The following DLG5 variants were observed in gnomAD, a reference collection of about 807,000 sequenced individuals.
DLG5 encodes the protein discs large MAGUK scaffold protein 5, also known as disks large homolog 5.
A neutral mutation model predicts 189.8 loss-of-function variants in DLG5; 48 were observed. The observed-to-expected ratio is 0.25, with a 90% CI of 0.20 to 0.32. DLG5 has a LOEUF of 0.32. DLG5 is among the 10% of genes least tolerant of loss of function. DLG5 has a pLI of 1.00. For synonymous variants in DLG5, 1,016 were observed against 1,054.1 expected, an observed-to-expected ratio of 0.96 and a Z score of 0.70; for missense variants, 2,160 against 2,544.7, an observed-to-expected ratio of 0.85 and a Z score of 3.25.
At chr10:77,889,561 C>T (rs759285113) in intron 1 of DLG5, 24 of 152,364 alleles carry the variant, frequency 1.6e-4, no homozygotes, top group African/African-American at 4.8e-4. Context: ...GTGACAAGAG[C>T]TCACTGTGAC....
Position 77,841,968 on chromosome 10 carries a change from C to G in DLG5, c.1350G>C (p.Gln450His). 1 of 1,614,216 alleles carries G rather than the reference C, an allele frequency of 6.2e-7. No homozygotes were observed. Among genetic ancestry groups the G allele is most frequent in the Non-Finnish European group, 8.5e-7 (1 of 1,180,048 alleles). Residue 450 changes from glutamine (Q) to histidine (H), a missense_variant, in exon 7 of 32, where the codon CAG (glutamine) becomes CAC (histidine). Gln to His is a conservative substitution (Grantham distance 24, BLOSUM62 0). Around this residue, in one of 5 missense-constraint regions of DLG5, gnomAD observed 664 missense variants for 838.5 expected, o/e 0.79. Coordinates refer to ENST00000372391, the MANE Select transcript of DLG5 (RefSeq NM_004747.4). Reference protein sequence around the residue: ...DQVISELDKLQTEVELAESKL... With the variant: ...DQVISELDKLHTEVELAESKL... ...TGGACTCGGCCAGCTCCACTTCGGT[C>G]TGCAGCTTGTCCAGCTCAGAGATGA...
chr10:77,910,167 T>C (rs1376304317), intron 1 of DLG5, among the ~76,000 whole-genome samples: 1 of 152,084 alleles, frequency 6.6e-6, no homozygotes, highest in Non-Finnish European at 1.5e-5. Context: ...ACGAATGCTG[T>C]GACGAAGAGA....
At chr10:77,828,800 G>C in intron 13 of DLG5, 82 bp downstream of exon 13, 1 of 1,344,744 alleles carries the variant, frequency 7.4e-7, no homozygotes, top group Non-Finnish European at 1.1e-6. Context: ...TAAAAACTTT[G>C]CTCATTACTT....
Position 77,926,558 on chromosome 10 carries a change from C to A in DLG5, c.-38G>T. 1.6e-6 allele frequency: 2 copies of A among 1,220,130 alleles called. No individual in the cohort carries two copies. Among genetic ancestry groups the A allele is most frequent in the Non-Finnish European group, 2.0e-6 (2 of 981,768 alleles). The allele number at this position is 1,220,130 out of a possible 1,614,324, so 75.6% of individuals were successfully genotyped here. ...CGCCGCCCCGCCCCGCCGGACGCCTCCCGGGCCCCCCGAGGCCGGCGGGCG... is the reference window on the plus strand; with the variant it reads ...CGCCGCCCCGCCCCGCCGGACGCCTACCGGGCCCCCCGAGGCCGGCGGGCG... On this transcript the variant is annotated 5_prime_UTR_variant, in exon 1 of 32. Transcript: ENST00000372391. The surrounding 1 kb of genome is among the most constrained non-coding windows in gnomAD (Gnocchi z 5.2).
Position 77,805,779 on chromosome 10 carries a change from C to T in DLG5, c.5050G>A (p.Ala1684Thr). The change falls in exon 27 of 32, where the codon GCA (alanine) becomes ACA (threonine). Residue 1684 changes from alanine to threonine, a missense_variant. Coordinates refer to ENST00000372391, the MANE Select transcript of DLG5 (RefSeq NM_004747.4). ...TTCCTCCGAAAAAAGGACCGGCGTG[C>T]AGCCGCTGACAGCGTCTTTGTGGCG... is the stretch of plus-strand genomic sequence containing the variant. ...NSATKTLSAA[A>T]RRSFFRRKHK... 6.2e-7 allele frequency: 1 copy of T among 1,614,216 alleles called. No individual in the cohort carries two copies. Among genetic ancestry groups the T allele is most frequent in the South Asian group, 1.1e-5 (1 of 91,086 alleles).
At chr10:77,891,059 C>T (rs888793769) in intron 1 of DLG5, among the ~76,000 whole-genome samples, 2 of 152,288 alleles carry the variant, frequency 1.3e-5, no homozygotes, top group South Asian at 2.1e-4. Flanking sequence ...ACATCCCAAC[C>T]GACCCTTCAG....
intron 4 of DLG5, 40 bp from the exon 5 acceptor site, chr10:77,853,577 C>T: frequency 6.7e-7 from 1 of 1,485,866 alleles, no homozygotes; most frequent in Non-Finnish European, 9.0e-7. Flanking sequence ...CCCAGCCAGC[C>T]CCTCACACCC....
At chr10:77,822,717 G>T (rs1842432821) in intron 14 of DLG5, among the ~76,000 whole-genome samples, 2 of 152,150 alleles carry the variant, frequency 1.3e-5, no homozygotes, top group Admixed American at 1.3e-4. Context: ...AAAATTCATT[G>T]TTAAAAATAT....
At chr10:77,908,595 C>T (rs1846132402) in intron 1 of DLG5, among the ~76,000 whole-genome samples, 1 of 152,192 alleles carries the variant, frequency 6.6e-6, no homozygotes, top group South Asian at 2.1e-4. Context: ...AGAATGGATT[C>T]TCTCCCAAGT....
intron 2 of DLG5, among the ~76,000 whole-genome samples, chr10:77,861,645 C>T (rs1335808650): frequency 6.6e-6 from 1 of 152,194 alleles, no homozygotes; most frequent in East Asian, 1.9e-4. Flanking sequence ...AGACACTCTA[C>T]CTTCAACTCA....
chr10:77,901,734 C>T (rs1307114121), intron 1 of DLG5, among the ~76,000 whole-genome samples: 11 of 152,164 alleles, frequency 7.2e-5, no homozygotes, highest in Non-Finnish European at 1.3e-4. Flanking sequence ...GACATAAGGA[C>T]GCCAGGACCC....
rs562021937 is a variant in DLG5, at chr10:77,846,839, G to A, written c.865-3133C>T. ...GAGTTCCCCACAAGGTGGCAGCCGC[G>A]GGGAGACGAGCCAACGCTCTCCTGC... On this transcript the variant is annotated intron_variant, in intron 5 of 31. Transcript: ENST00000372391. The A allele has an allele frequency of 1.2e-5, 5 of 409,220 alleles. No individual in the cohort carries two copies. In the East Asian group the frequency reaches 2.3e-4, roughly 19 times the overall value. 25.3% of individuals were successfully genotyped at this position (409,220 alleles called of 1,614,324 possible).
intron 1 of DLG5, among the ~76,000 whole-genome samples, chr10:77,874,767 T>C (rs1178110026): frequency 6.6e-6 from 1 of 152,200 alleles, no homozygotes; most frequent in Admixed American, 6.5e-5. Flanking sequence ...ACTGAAACAG[T>C]ACCTCGCATA....
At chr10:77,888,058 C>T (rs1219213294) in intron 1 of DLG5, among the ~76,000 whole-genome samples, 2 of 152,192 alleles carry the variant, frequency 1.3e-5, no homozygotes, top group Admixed American at 6.5e-5. Context: ...AACTGTCAGA[C>T]AGGATTTTGT....
Position 77,817,829 on chromosome 10 carries a change from G to A in DLG5, c.3732C>T (p.Ser1244=), listed in dbSNP as rs763574110. The change falls in exon 18 of 32, where the codon TCC becomes TCT. Residue 1244 remains serine, a synonymous_variant. Transcript: ENST00000372391. ...DLSHRTCSDY[S]EMRATHGSNS... ...TGGACCCATGGGTGGCTCTCATCTC[G>A]GAGTAGTCGCTGCAGGTCCTGTGGC... The A allele has an allele frequency of 5.1e-6, 8 of 1,555,422 alleles. No homozygotes were observed. The highest frequency in any genetic ancestry group is 1.4e-5 in the African/African-American group (1 of 73,426).
intron 27 of DLG5, among the ~76,000 whole-genome samples, chr10:77,800,238 G>GC (rs1305554513): frequency 1.3e-5 from 2 of 152,208 alleles, no homozygotes; most frequent in African/African-American, 4.8e-5. Flanking sequence ...GGAACAGCTT[G>GC]CAGCATCCCT....
At chr10:77,816,902 C>A in intron 19 of DLG5, 105 bp downstream of exon 19, 1 of 1,435,330 alleles carries the variant, frequency 7.0e-7, no homozygotes, top group Non-Finnish European at 9.8e-7. Context: ...TTTTTACTGA[C>A]TGACTGAGAT....
At chr10:77,893,880 G>A (rs1241410499) in intron 1 of DLG5, among the ~76,000 whole-genome samples, 1 of 152,198 alleles carries the variant, frequency 6.6e-6, no homozygotes, top group African/African-American at 2.4e-5. Flanking sequence ...TCCCAGAGCT[G>A]AGTCCTCTTC....
chr10:77,797,955 G>C (rs973812001), intron 27 of DLG5, among the ~76,000 whole-genome samples: 5 of 152,186 alleles, frequency 3.3e-5, no homozygotes, highest in African/African-American at 1.2e-4. Context: ...GGGAGGCTGA[G>C]GCAGGTGGAT....
Sources: gnomAD v4.1 joint callset for allele counts (sites outside exome capture counted in the v4.1 genomes callset) on GRCh38, gnomAD v4.1.1 for gene constraint, gnomAD v4.1.1 regional missense constraint, Gnocchi (gnomAD v3.1) non-coding constraint, MANE v1.5 for transcripts, NCBI Gene and HGNC (gene_info 2026-07-23, HGNC 2026-07-21) for gene names.